HENMT1: variants seen among roughly 807,000 people sequenced by gnomAD.
The protein encoded by HENMT1 is HEN methyltransferase 1, also known as small RNA 2'-O-methyltransferase.
In HENMT1, 27 loss-of-function variants were observed where a neutral mutation model predicts 31.1. The observed-to-expected ratio is 0.87, with a 90% CI of 0.64 to 1.20. The LOEUF is 1.20. Among genes scored for constraint, HENMT1 ranks in the 50% most tolerant of loss-of-function variants. HENMT1 has a pLI of 0.00. For missense variants in HENMT1, 438 were observed against 469.6 expected (o/e 0.93, Z 0.62); for synonymous variants, 167 against 172.2 (o/e 0.97, Z 0.24).
chr1:108,650,211 A>G lies in HENMT1; in HGVS notation c.756T>C (p.Ala252=), dbSNP rs1648048073. The G allele has an allele frequency of 1.2e-6, 2 of 1,613,482 alleles. No homozygotes were observed. The highest frequency in any genetic ancestry group is 2.7e-5 in the African/African-American group (2 of 74,894). The change falls in exon 7 of 8, where the codon GCT becomes GCC. Residue 252 remains alanine (A), a splice_region_variant and synonymous_variant. Transcript: ENST00000651461. Reference sequence around the variant, plus strand: ...TAGCTATCTCACAAAGAATACTCACAGCTTTATAAACATGCTGATCATGCT... The same window carrying G: ...TAGCTATCTCACAAAGAATACTCACGGCTTTATAAACATGCTGATCATGCT... ...SEQHDQHVYK[A]VFTTSYPSLQ...
At position 108,654,739 on chromosome 1, in the gene HENMT1, A is replaced by T. The variant is rs922098935; in HGVS notation, c.375T>A (p.Phe125Leu). 2.5e-6 allele frequency: 4 copies of T among 1,614,132 alleles called. No individual in the cohort carries two copies. The highest frequency in any genetic ancestry group is 3.4e-6 in the Non-Finnish European group (4 of 1,179,956). The change falls in exon 5 of 8, where the codon TTT (phenylalanine) becomes TTA (leucine). Residue 125 changes from phenylalanine (F) to leucine (L), a missense_variant. By Grantham distance (22) the Phe-to-Leu change is conservative. Coordinates refer to ENST00000651461, the MANE Select transcript of HENMT1 (RefSeq NM_001102592.2). ...ACAATTCAATACACGTTATCAAGTC[A>T]AATCCAAGCAAACGAGAGTCTCTCT... ...VVERDSRLLGFDLITCIELIE... is the reference protein window; with the variant it reads ...VVERDSRLLGLDLITCIELIE...
In HENMT1 at chr1:108,650,336, C is replaced by T. The variant is rs751288135; in HGVS notation, c.631G>A (p.Gly211Arg). Residue 211 changes from glycine (G) to arginine (R), a missense_variant, in exon 7 of 8, where the codon GGG (glycine) becomes AGG (arginine). Coordinates refer to ENST00000651461, the MANE Select transcript of HENMT1 (RefSeq NM_001102592.2). ...YDYSVEFTGVGEPPAGAENVG... is the reference protein window; with the variant it reads ...YDYSVEFTGVREPPAGAENVG... ...TTCTCAGCTCCAGCTGGTGGTTCCC[C>T]GACACCAGTAAACTCCACAGAGTAA... 2.0e-5 allele frequency: 32 copies of T among 1,613,930 alleles called. No homozygotes were observed. Among genetic ancestry groups the T allele is most frequent in the Non-Finnish European group, 2.5e-5 (30 of 1,179,986 alleles).
At chr1:108,660,029 G>A (rs1272137620) in intron 1 of HENMT1, 67 bp from the exon 2 acceptor site, 4 of 797,014 alleles carry the variant, frequency 5.0e-6, no homozygotes, top group Admixed American at 3.6e-5. Flanking sequence ...AGTTCAGAAG[G>A]GAAGAACGAA....
At chr1:108,654,254 T>A (rs1039163166) in intron 5 of HENMT1, among the ~76,000 whole-genome samples, 2 of 152,218 alleles carry the variant, frequency 1.3e-5, no homozygotes, top group African/African-American at 4.8e-5. Context: ...TCTCTGTTTT[T>A]ATACCAGAAC....
At chr1:108,656,838 G>T (rs1570637365) in intron 3 of HENMT1, among the ~76,000 whole-genome samples, 1 of 152,136 alleles carries the variant, frequency 6.6e-6, no homozygotes, top group East Asian at 1.9e-4. Context: ...CTAACTAAAT[G>T]CTCTAGAAGT....
chr1:108,650,175 T>C (rs546224082), intron 7 of HENMT1, 36 bp downstream of exon 7: 1 of 1,596,966 alleles, frequency 6.3e-7, no homozygotes, highest in Admixed American at 1.7e-5. Context: ...CTAATGTATC[T>C]CTAGCCCTGA....
intron 5 of HENMT1, 129 bp from the exon 6 acceptor site, chr1:108,651,338 T>G (rs894637608): frequency 2.0e-5 from 15 of 747,756 alleles, no homozygotes; most frequent in Non-Finnish European, 3.2e-5. Flanking sequence ...TAATAATGCT[T>G]ATATGACCTA....
chr1:108,650,907 G>T, intron 6 of HENMT1, 123 bp downstream of exon 6: 2 of 693,736 alleles, frequency 2.9e-6, no homozygotes, highest in Non-Finnish European at 2.4e-6. Flanking sequence ...GTCACACATT[G>T]GAATCAATTT....
intron 5 of HENMT1, 45 bp downstream of exon 5, chr1:108,654,671 G>C: frequency 6.3e-7 from 1 of 1,583,236 alleles, no homozygotes; most frequent in Non-Finnish European, 8.6e-7. Context: ...ACTTATTCAG[G>C]CTTTTCAAAT....
intron 2 of HENMT1, among the ~76,000 whole-genome samples, chr1:108,657,955 A>C (rs1658298111): frequency 6.6e-6 from 1 of 150,836 alleles, no homozygotes; most frequent in Non-Finnish European, 1.5e-5. Flanking sequence ...AATATTTATA[A>C]TGACTGACTA....
chr1:108,656,045 T>G (rs758431707), intron 3 of HENMT1, among the ~76,000 whole-genome samples: 4 of 152,156 alleles, frequency 2.6e-5, no homozygotes, highest in Non-Finnish European at 5.9e-5. Flanking sequence ...GAATCAGAAT[T>G]TGGAGTCAAA....
intron 4 of HENMT1, 109 bp downstream of exon 4, chr1:108,655,477 C>A: frequency 1.7e-6 from 1 of 586,816 alleles, no homozygotes. Flanking sequence ...TTGAAGATCC[C>A]TAATGGCCCC....
At chr1:108,650,739 G>A (rs971946343) in intron 6 of HENMT1, among the ~76,000 whole-genome samples, 1 of 152,278 alleles carries the variant, frequency 6.6e-6, no homozygotes, top group Admixed American at 6.5e-5. Flanking sequence ...GGAGGGGCAT[G>A]AGGCTCATTC....
Position 108,650,240 on chromosome 1 carries a change from C to G in HENMT1, c.727G>C (p.Glu243Gln). The G allele has an allele frequency of 6.2e-7, 1 of 1,614,164 alleles. No individual in the cohort carries two copies. The highest frequency in any genetic ancestry group is 1.6e-4 in the Middle Eastern group (1 of 6,062). The stretch of plus-strand genomic sequence containing the variant: ...TTATAAACATGCTGATCATGCTGCT[C>G]TGAAAGACATGATTCTGTTGCCTTT... Reference protein sequence around the residue: ...GGKATESCLSEQHDQHVYKAV... With the variant: ...GGKATESCLSQQHDQHVYKAV... The change falls in exon 7 of 8, where the codon GAG (glutamate) becomes CAG (glutamine). Residue 243 changes from glutamate (E) to glutamine (Q), a missense_variant. Transcript: ENST00000651461.
intron 7 of HENMT1, chr1:108,649,230 C>A: frequency 1.6e-6 from 1 of 616,174 alleles, no homozygotes. Flanking sequence ...AGGTTTCTAC[C>A]AAGTCACATG....
chr1:108,650,902 A>G, intron 6 of HENMT1, 128 bp downstream of exon 6: 1 of 682,398 alleles, frequency 1.5e-6, no homozygotes, highest in Non-Finnish European at 2.5e-6. Context: ...ACTAAGTCAC[A>G]CATTGGAATC....
chr1:108,657,187 T>A (rs551930170), intron 3 of HENMT1, among the ~76,000 whole-genome samples: 23 of 152,232 alleles, frequency 1.5e-4, no homozygotes, highest in African/African-American at 5.3e-4. Context: ...AACAGCCCCC[T>A]CCTTAAGGCT....
At chr1:108,657,826 G>C (rs929317043) in intron 2 of HENMT1, among the ~76,000 whole-genome samples, 9 of 152,006 alleles carry the variant, frequency 5.9e-5, no homozygotes, top group African/African-American at 2.2e-4. Flanking sequence ...AGTTTCAGCT[G>C]AAGGGAACAT....
intron 2 of HENMT1, among the ~76,000 whole-genome samples, chr1:108,657,972 T>C (rs1329203946): frequency 6.9e-6 from 1 of 145,772 alleles, no homozygotes; most frequent in Non-Finnish European, 1.5e-5. Flanking sequence ...ACTATATATA[T>C]ATACACACAC....
Sources: allele counts gnomAD v4.1 joint callset (sites outside exome capture counted in the v4.1 genomes callset), GRCh38; gene constraint gnomAD v4.1.1; transcripts MANE v1.5; gene names NCBI Gene and HGNC (gene_info 2026-07-23, HGNC 2026-07-21).